AK9: variants seen among roughly 807,000 people sequenced by gnomAD.
The protein encoded by AK9 is adenylate kinase domain containing 1.
A neutral mutation model predicts 239.6 loss-of-function variants in AK9; 191 were observed. That is an observed-to-expected ratio of 0.80 (90% CI 0.71 to 0.90). The LOEUF is 0.90. AK9 is among the 40% of genes least tolerant of loss of function. The pLI is 0.00. For synonymous variants in AK9, 689 were observed against 721.0 expected, an observed-to-expected ratio of 0.96 and a Z score of 0.71; for missense variants, 1,995 against 2,214.7, an observed-to-expected ratio of 0.90 and a Z score of 1.99.
At chr6:109,577,201 G>A (rs1426522579) in intron 20 of AK9, among the ~76,000 whole-genome samples, 1 of 151,972 alleles carries the variant, frequency 6.6e-6, no homozygotes, top group African/African-American at 2.4e-5. Flanking sequence ...ATCATAAAGG[G>A]GTGCTGGATT....
rs1779057606 is a variant in AK9 at position 109,514,395 on chromosome 6, T to C, written c.4108A>G (p.Asn1370Asp). The C allele has an allele frequency of 6.5e-7, 1 of 1,550,120 alleles. No homozygotes were observed. Among genetic ancestry groups the C allele is most frequent in the Non-Finnish European group, 8.7e-7 (1 of 1,146,742 alleles). Residue 1370 changes from asparagine to aspartate, a missense_variant, in exon 32 of 41, where the codon AAT (asparagine) becomes GAT (aspartate). Physicochemically the swap from Asn to Asp is conservative, Grantham distance 23. Transcript: ENST00000424296. ...ETIKPVENAE[N>D]PIYPVIHRQY... is the part of the protein sequence containing the mutation. Reference sequence around the variant, plus strand: ...CGATGGATTACAGGATAAATTGGATTCTCTGCATTTTCAACTGGCTTGATT... The same window carrying C: ...CGATGGATTACAGGATAAATTGGATCCTCTGCATTTTCAACTGGCTTGATT...
At position 109,514,443 on chromosome 6, in the gene AK9, AC is replaced by A. The variant is rs67924537; in HGVS notation, c.4066-7del. The A allele has an allele frequency of 0.23, 350,799 of 1,535,886 alleles. 41,744 individuals are homozygous for A. The highest frequency in any genetic ancestry group is 0.32 in the South Asian group (25,848 of 82,026). On this transcript the variant is annotated splice_region_variant and splice_polypyrimidine_tract_variant and intron_variant, in intron 31 of 40. Transcript: ENST00000424296. ...ATTGTCTCTCCTTCACTTAGCTGCA[AC>A]ATATACACAGTTGAATTTGAAAGTT... is the stretch of plus-strand genomic sequence containing the variant.
At chr6:109,570,011 CA>C (rs761926606) in intron 21 of AK9, among the ~76,000 whole-genome samples, 29 of 152,150 alleles carry the variant, frequency 1.9e-4, no homozygotes, top group Non-Finnish European at 4.3e-4. Flanking sequence ...TTCACAATAG[CA>C]AAGACTTGGA....
intron 29 of AK9, among the ~76,000 whole-genome samples, chr6:109,525,499 C>A (rs377604355): frequency 1.6e-4 from 25 of 152,076 alleles, no homozygotes; most frequent in African/African-American, 5.1e-4. Flanking sequence ...AAAATGGGCA[C>A]AAGACATAAA....
At chr6:109,588,331 A>C (rs1238211117) in intron 17 of AK9, among the ~76,000 whole-genome samples, 4 of 151,890 alleles carry the variant, frequency 2.6e-5, no homozygotes, top group Non-Finnish European at 5.9e-5. Context: ...GGCCTCCCAA[A>C]GTGCTGGGAT....
chr6:109,624,748 T>C (rs1795309639), intron 12 of AK9, among the ~76,000 whole-genome samples: 1 of 152,234 alleles, frequency 6.6e-6, no homozygotes, highest in African/African-American at 2.4e-5. Context: ...TGGAAGCATG[T>C]CCTTCAATCT....
chr6:109,493,449 G>A lies in AK9; in HGVS notation c.5656C>T (p.Pro1886Ser), dbSNP rs760102374. 4 of 1,614,028 alleles carry A rather than the reference G, an allele frequency of 2.5e-6. No homozygotes were observed. Among genetic ancestry groups the A allele is most frequent in the Admixed American group, 1.7e-5 (1 of 60,004 alleles). ...TCAAAGTCAATGGCTCTGAACTGAGGTTCCTTGTATTTTCTGGTCATCTTG... is the reference window on the plus strand; with the variant it reads ...TCAAAGTCAATGGCTCTGAACTGAGATTCCTTGTATTTTCTGGTCATCTTG... ...GAKMTRKYKE[P>S]QFRAIDFDHK... The change falls in exon 41 of 41, where the codon CCT (proline) becomes TCT (serine). Residue 1886 changes from proline to serine, a missense_variant. Transcript: ENST00000424296.
At chr6:109,640,675 C>T (rs1306779277) in intron 10 of AK9, among the ~76,000 whole-genome samples, 1 of 151,742 alleles carries the variant, frequency 6.6e-6, no homozygotes, top group African/African-American at 2.4e-5. Context: ...CCTCAGCCTT[C>T]CAAAGTGCTG....
At position 109,509,237 on chromosome 6, in the gene AK9, C is replaced by T. The variant is rs1293519275; in HGVS notation, c.4423G>A (p.Glu1475Lys). The T allele has an allele frequency of 6.4e-7, 1 of 1,552,136 alleles. No homozygotes were observed. The highest frequency in any genetic ancestry group is 8.7e-7 in the Non-Finnish European group (1 of 1,147,092). The change falls in exon 33 of 41, where the codon GAA (glutamate) becomes AAA (lysine). Residue 1475 changes from glutamate to lysine, a missense_variant. Physicochemically the swap from Glu to Lys is moderately conservative, Grantham distance 56. Coordinates refer to ENST00000424296, the MANE Select transcript of AK9 (RefSeq NM_001145128.3). ...HLHKGMTAPD[E>K]LAIQALELSL... ...AGTTCTAAGGCTTGAATAGCCAGTT[C>T]ATCAGGTGCTGTCATTCCTTTATGA...
intron 14 of AK9, 37 bp from the exon 15 acceptor site, chr6:109,614,333 T>C (rs1793910265): frequency 1.3e-6 from 2 of 1,548,550 alleles, no homozygotes; most frequent in East Asian, 2.4e-5. Context: ...TCAGCTAATC[T>C]ATTTATATTA....
chr6:109,506,250 G>C lies in AK9; in HGVS notation c.4849+77C>G, dbSNP rs934272495. 4 of 1,341,626 alleles carry C rather than the reference G, an allele frequency of 3.0e-6. No homozygotes were observed. The African/African-American group carries it at 4.3e-5, about 15-fold the overall frequency. 83.1% of individuals were successfully genotyped at this position (1,341,626 alleles called of 1,614,324 possible). A position where few individuals can be genotyped will look rare whatever the true frequency, so the allele number is the denominator to read the frequency against. On this transcript the variant is annotated intron_variant, in intron 35 of 40. Coordinates refer to ENST00000424296, the MANE Select transcript of AK9 (RefSeq NM_001145128.3). ...CGCCTGACTCATGTTCAAATGGAATGAATTACAGTAACATGAGTCAGGCAT... is the reference window on the plus strand; with the variant it reads ...CGCCTGACTCATGTTCAAATGGAATCAATTACAGTAACATGAGTCAGGCAT...
intron 25 of AK9, chr6:109,549,557 G>C (rs1784042461): frequency 6.6e-6 from 1 of 151,996 alleles, no homozygotes; most frequent in Non-Finnish European, 1.5e-5. Context: ...CAGCTAAAAA[G>C]GCAGATATTA....
chr6:109,635,691 C>T (rs1277872921), intron 10 of AK9, among the ~76,000 whole-genome samples: 1 of 152,238 alleles, frequency 6.6e-6, no homozygotes, highest in African/African-American at 2.4e-5. Flanking sequence ...GGTCCAGCAA[C>T]TAAGGGTTAA....
chr6:109,541,166 C>CA (rs1281252952), intron 27 of AK9, among the ~76,000 whole-genome samples: 4 of 152,106 alleles, frequency 2.6e-5, no homozygotes, highest in African/African-American at 4.8e-5. Context: ...ATAACCTTTT[C>CA]AAAATGTGTT....
chr6:109,690,749 G>A (rs1774258450), intron 1 of AK9: 1 of 152,434 alleles, frequency 6.6e-6, no homozygotes, highest in Admixed American at 6.5e-5. Flanking sequence ...ATGAAATGAA[G>A]AAACCTCATT....
chr6:109,555,051 T>C (rs1358127646), intron 24 of AK9, among the ~76,000 whole-genome samples: 2 of 152,202 alleles, frequency 1.3e-5, no homozygotes, highest in African/African-American at 4.8e-5. Flanking sequence ...TGTCTTCTGC[T>C]AGCTTTTGGA....
intron 36 of AK9, 65 bp downstream of exon 36, chr6:109,498,979 T>C (rs1339984050): frequency 7.5e-7 from 1 of 1,325,348 alleles, no homozygotes; most frequent in Non-Finnish European, 9.9e-7. Flanking sequence ...CCCTTCCTAT[T>C]GATTGATTCC....
At chr6:109,521,894 T>C (rs996906080) in intron 29 of AK9, among the ~76,000 whole-genome samples, 1 of 152,000 alleles carries the variant, frequency 6.6e-6, no homozygotes, top group African/African-American at 2.4e-5. Context: ...TTTTCGTTTG[T>C]TTTATTGTTG....
Position 109,662,556 on chromosome 6 carries a change from T to C in AK9, c.439A>G (p.Ile147Val), listed in dbSNP as rs544931168. ...AAAACAATTAATATCCTTACCTTTA[T>C]ATTGATTATAACATCAGGTTTCAGG... Reference protein sequence around the residue: ...LNLKPDVIINIKCPDYDLCQR... With the variant: ...LNLKPDVIINVKCPDYDLCQR... The change falls in exon 6 of 41, where the codon ATA becomes GTA. Residue 147 changes from isoleucine (I) to valine (V), a missense_variant. Ile to Val is a conservative substitution (Grantham distance 29, BLOSUM62 3). Coordinates refer to ENST00000424296, the MANE Select transcript of AK9 (RefSeq NM_001145128.3). 3.1e-5 allele frequency: 48 copies of C among 1,533,756 alleles called. No homozygotes were observed. Among genetic ancestry groups the C allele is most frequent in the Non-Finnish European group, 3.9e-5 (45 of 1,139,432 alleles).
Sources: gnomAD v4.1 joint callset for allele counts (sites outside exome capture counted in the v4.1 genomes callset) on GRCh38, gnomAD v4.1.1 for gene constraint, MANE v1.5 for transcripts, NCBI Gene and HGNC (gene_info 2026-07-23, HGNC 2026-07-21) for gene names.